Variants in GNB5 observed in about 807,000 individuals in gnomAD.
GNB5 encodes G protein subunit beta 5, also known as guanine nucleotide-binding protein subunit beta-5.
In GNB5, 37 loss-of-function variants were observed where a neutral mutation model predicts 55.3. The ratio of observed to expected loss-of-function variants is 0.67; its 90% confidence interval spans 0.51 to 0.88. GNB5 has a LOEUF of 0.88. Ranked by LOEUF, GNB5 falls within the 40% of genes least tolerant of loss-of-function variation. The probability of loss-of-function intolerance (pLI) is 0.00; values close to 1 mark genes in which losing one functional copy is unlikely to be tolerated. For missense variants in GNB5, 476 were observed against 515.3 expected (o/e 0.92, Z 0.74); for synonymous variants, 219 against 198.5 (o/e 1.10, Z -0.87).
chr15:52,133,560 T>C (rs1432588593), intron 8 of GNB5, 91 bp from the exon 9 acceptor site: 1 of 815,694 alleles, frequency 1.2e-6, no homozygotes, highest in Non-Finnish European at 2.1e-6. Flanking sequence ...AGACCATTTA[T>C]TTCCCATTAG....
chr15:52,187,975 T>A (rs56107740), intron 1 of GNB5, among the ~76,000 whole-genome samples: 72,894 of 146,222 alleles, frequency 0.5, 21,229 homozygotes, highest in Non-Finnish European at 0.67. Flanking sequence ...TAAAAATAAA[T>A]AAATAAATAA....
intron 10 of GNB5, among the ~76,000 whole-genome samples, chr15:52,127,815 A>G (rs1472204066): frequency 2.4e-5 from 1 of 41,088 alleles, no homozygotes; most frequent in Non-Finnish European, 3.8e-5. Flanking sequence ...TTTTTAACAG[A>G]AAAAAAAAAA....
At position 52,124,461 on chromosome 15, in the gene GNB5, C is replaced by T. The variant is rs372358906; in HGVS notation, c.1176+12G>A. The stretch of plus-strand genomic sequence containing the variant: ...TCTCACACACAGGAAAACAGAAAAC[C>T]ATCCCTCTTACTCTGAGGGTATGAT... On this transcript the variant is annotated intron_variant, in intron 12 of 12. Coordinates refer to ENST00000261837, the MANE Select transcript of GNB5 (RefSeq NM_016194.4). 418 of 1,603,196 alleles carry T rather than the reference C, an allele frequency of 2.6e-4. No individual in the cohort carries two copies. The highest frequency in any genetic ancestry group is 2.0e-4 in the Non-Finnish European group (229 of 1,172,488).
chr15:52,149,652 C>G (rs1356937634), intron 5 of GNB5: 1 of 615,010 alleles, frequency 1.6e-6, no homozygotes, highest in Admixed American at 2.6e-5. Flanking sequence ...ATTGGCAGCC[C>G]CTATGGTGGC....
chr15:52,137,358 G>C, intron 7 of GNB5: 1 of 1,046,734 alleles, frequency 9.6e-7, no homozygotes, highest in Non-Finnish European at 1.2e-6. Flanking sequence ...TCAAGGAAGA[G>C]TGAGAGCTGG....
At chr15:52,138,616 A>C (rs2033783101) in intron 7 of GNB5, 1 of 152,128 alleles carries the variant, frequency 6.6e-6, no homozygotes, top group African/African-American at 2.4e-5. Flanking sequence ...GGGTACTCAT[A>C]TTTTGTTGGA....
intron 3 of GNB5, among the ~76,000 whole-genome samples, chr15:52,155,564 AAAT>A (rs1279359439): frequency 6.6e-6 from 1 of 152,272 alleles, no homozygotes; most frequent in Non-Finnish European, 1.5e-5. Flanking sequence ...CCTATTGTCC[AAAT>A]AATAACCTTC....
intron 3 of GNB5, among the ~76,000 whole-genome samples, chr15:52,167,879 T>TA (rs890827586): frequency 3.3e-5 from 5 of 151,304 alleles, no homozygotes; most frequent in Middle Eastern, 3.4e-3. Context: ...ATTCATCATA[T>TA]AAAAAAAACT....
chr15:52,153,873 A>T, intron 4 of GNB5, 67 bp downstream of exon 4: 3 of 1,366,074 alleles, frequency 2.2e-6, no homozygotes, highest in Non-Finnish European at 3.1e-6. Flanking sequence ...GGAAAGGGAC[A>T]GCTCTCCTCC....
intron 3 of GNB5, among the ~76,000 whole-genome samples, chr15:52,173,258 T>C (rs978983731): frequency 2.0e-5 from 3 of 152,198 alleles, no homozygotes; most frequent in Non-Finnish European, 4.4e-5. Flanking sequence ...ATGGCCATTT[T>C]AGATTAAGGA....
chr15:52,175,711 C>T (rs868399635), intron 3 of GNB5, among the ~76,000 whole-genome samples: 33 of 150,840 alleles, frequency 2.2e-4, no homozygotes, highest in African/African-American at 7.3e-4. Context: ...TGGACTCTAG[C>T]CTGGGCGACA....
intron 5 of GNB5, chr15:52,149,579 A>G: frequency 1.7e-6 from 1 of 585,816 alleles, no homozygotes; most frequent in South Asian, 2.2e-5. Flanking sequence ...CAGAAGACAA[A>G]TAGTACATGC....
intron 9 of GNB5, among the ~76,000 whole-genome samples, chr15:52,132,930 T>C (rs552625655): frequency 3.3e-5 from 5 of 152,256 alleles, no homozygotes; most frequent in East Asian, 3.9e-4. Flanking sequence ...TCAGTGAGGC[T>C]GTCTTTGACC....
chr15:52,124,632 C>G lies in GNB5; in HGVS notation c.1017G>C (p.Leu339=). The change falls in exon 12 of 13, where the codon CTG becomes CTC. Residue 339 remains leucine, a synonymous_variant. Coordinates refer to ENST00000261837, the MANE Select transcript of GNB5 (RefSeq NM_016194.4). ...SSVDFSLSGR[L]LFAGYNDYTI... is the part of the protein sequence containing the mutation. ...TGTAATCATTGTATCCAGCAAACAG[C>G]AGGCGACCTTGAAGCAGGGTGAGAT... is the stretch of plus-strand genomic sequence containing the variant. 1 of 1,613,608 alleles carries G rather than the reference C, an allele frequency of 6.2e-7. No homozygotes were observed. Among genetic ancestry groups the G allele is most frequent in the Non-Finnish European group, 8.5e-7 (1 of 1,179,698 alleles).
In GNB5 at chr15:52,184,722, G is replaced by A. The variant is rs199718556; in HGVS notation, c.-18-28C>T. The A allele has an allele frequency of 2.3e-5, 36 of 1,589,058 alleles. No homozygotes were observed. In the East Asian group the frequency reaches 7.6e-4, roughly 34 times the overall value. Reference sequence around the variant, plus strand: ...GAAAAAAAGTGAAAAGAAGGGAGGGGGTGTGAGAAAAGCCAATGGTTTTAA... The same window carrying A: ...GAAAAAAAGTGAAAAGAAGGGAGGGAGTGTGAGAAAAGCCAATGGTTTTAA... On this transcript the variant is annotated intron_variant, in intron 1 of 12. Coordinates refer to ENST00000261837, the MANE Select transcript of GNB5 (RefSeq NM_016194.4).
intron 3 of GNB5, among the ~76,000 whole-genome samples, chr15:52,170,500 G>A (rs73404813): frequency 0.051 from 7,762 of 152,164 alleles, 679 homozygotes; most frequent in African/African-American, 0.18. Flanking sequence ...GGAGCTGAAC[G>A]ATGAGAACAA....
intron 5 of GNB5, 173 bp downstream of exon 5, chr15:52,149,711 G>T: frequency 1.4e-6 from 1 of 696,048 alleles, no homozygotes. Context: ...GCAATGGGCT[G>T]GCTGAGCTGT....
intron 5 of GNB5, 51 bp downstream of exon 5, chr15:52,149,832 AG>A: frequency 7.2e-7 from 1 of 1,386,202 alleles, no homozygotes. Flanking sequence ...AGCACCTTTA[AG>A]TAGGCTGGGA....
chr15:52,159,261 A>T (rs1444641419), intron 3 of GNB5, among the ~76,000 whole-genome samples: 2 of 152,066 alleles, frequency 1.3e-5, no homozygotes, highest in Non-Finnish European at 1.5e-5. Flanking sequence ...GCATGGTCGG[A>T]TCTGCCTTCT....
Sources: allele counts gnomAD v4.1 joint callset (sites outside exome capture counted in the v4.1 genomes callset), GRCh38; gene constraint gnomAD v4.1.1; transcripts MANE v1.5; gene names NCBI Gene and HGNC (gene_info 2026-07-23, HGNC 2026-07-21).